Variants in ESRRG observed in about 807,000 individuals in gnomAD.
ESRRG encodes the protein estrogen related receptor gamma.
In ESRRG, 13 loss-of-function variants were observed where a neutral mutation model predicts 44.0. The ratio of observed to expected loss-of-function variants is 0.30; its 90% CI spans 0.19 to 0.47. ESRRG has a LOEUF of 0.47. Among genes scored for constraint, ESRRG ranks in the 20% least tolerant of loss-of-function variants. The pLI is 1.00. For missense variants in ESRRG, 395 were observed against 580.6 expected, an observed-to-expected ratio of 0.68 and a Z score of 3.29; for synonymous variants, 215 against 214.6, an observed-to-expected ratio of 1.00 and a Z score of -0.02.
At chr1:216,926,413 A>G (rs753560269) in intron 2 of ESRRG, among the ~76,000 whole-genome samples, 14 of 49,006 alleles carry the variant, frequency 2.9e-4, no homozygotes, top group African/African-American at 6.3e-4. Flanking sequence ...AACACCTATG[A>G]AAAAAAAAAA....
intron 3 of ESRRG, among the ~76,000 whole-genome samples, chr1:216,604,383 TC>T (rs1395513906): frequency 1.3e-5 from 2 of 152,260 alleles, no homozygotes; most frequent in Admixed American, 1.3e-4. Flanking sequence ...TGGGGCTTCA[TC>T]TGAGAGTGTC....
chr1:216,618,084 A>G (rs1180418212), intron 3 of ESRRG, among the ~76,000 whole-genome samples: 1 of 152,256 alleles, frequency 6.6e-6, no homozygotes, highest in Admixed American at 6.5e-5. Context: ...ATCAGTAATA[A>G]TAGTCATTAA....
rs181648444 is a variant in ESRRG at position 216,695,287 on chromosome 1, A to G, written c.57-17796T>C. On this transcript the variant is annotated intron_variant, in intron 1 of 6. Transcript: ENST00000408911. ...CTGTGGAAGTGGTTACAAAAATCTC[A>G]TATGTGATAAAATTATGTAGAACTA... Among the ~76,000 whole-genome samples the G allele has an allele frequency of 4.3e-3, 648 of 152,212 alleles. 2 individuals are homozygous for G. The highest frequency in any genetic ancestry group is 0.015 in the African/African-American group (628 of 41,536).
intron 2 of ESRRG, among the ~76,000 whole-genome samples, chr1:216,728,618 T>A (rs1273598435): frequency 6.6e-6 from 1 of 152,046 alleles, no homozygotes; most frequent in Non-Finnish European, 1.5e-5. Context: ...TTACCTATCC[T>A]AACCACCCCA....
At chr1:216,869,681 T>G (rs12062373) in intron 2 of ESRRG, among the ~76,000 whole-genome samples, 7,255 of 152,104 alleles carry the variant, frequency 0.048, 604 homozygotes, top group African/African-American at 0.16. Context: ...TTCATGAACA[T>G]AGTGTATGTC....
intron 1 of ESRRG, among the ~76,000 whole-genome samples, chr1:216,964,239 G>A (rs1284549748): frequency 7.2e-5 from 11 of 152,164 alleles, no homozygotes; most frequent in African/African-American, 1.9e-4. Context: ...CAAAGTAAAC[G>A]TAGGTGAAGA....
intron 1 of ESRRG, among the ~76,000 whole-genome samples, chr1:217,048,846 AC>A (rs1236630246): frequency 6.6e-6 from 1 of 152,026 alleles, no homozygotes; most frequent in Non-Finnish European, 1.5e-5. Flanking sequence ...CCCTGGCCCC[AC>A]TCTATCTGCT....
At chr1:216,993,345 T>C (rs1273473647) in intron 1 of ESRRG, among the ~76,000 whole-genome samples, 1 of 152,176 alleles carries the variant, frequency 6.6e-6, no homozygotes, top group Non-Finnish European at 1.5e-5. Flanking sequence ...ATGGCACAAC[T>C]GAAATCTCCA....
intron 3 of ESRRG, among the ~76,000 whole-genome samples, chr1:216,590,642 G>C (rs1020645062): frequency 6.6e-6 from 1 of 152,124 alleles, no homozygotes; most frequent in East Asian, 1.9e-4. Flanking sequence ...GAAAATGAAG[G>C]CAGAAGGCAA....
At chr1:216,535,450 T>C (rs2050653101) in intron 5 of ESRRG, among the ~76,000 whole-genome samples, 1 of 152,132 alleles carries the variant, frequency 6.6e-6, no homozygotes, top group Non-Finnish European at 1.5e-5. Context: ...TATTTTATCC[T>C]GCAAACATGA....
chr1:216,728,532 AGC>A (rs1391816222), intron 2 of ESRRG, among the ~76,000 whole-genome samples: 2 of 152,072 alleles, frequency 1.3e-5, no homozygotes, highest in Non-Finnish European at 2.9e-5. Flanking sequence ...GAGATAGAGA[AGC>A]AGGGGGAAGT....
chr1:216,829,029 C>T (rs1294566359), intron 2 of ESRRG, among the ~76,000 whole-genome samples: 1 of 152,268 alleles, frequency 6.6e-6, no homozygotes, highest in East Asian at 1.9e-4. Context: ...GATACAAGGA[C>T]ATATGTATGT....
At chr1:216,774,907 T>TCCTC (rs2093542010) in intron 2 of ESRRG, among the ~76,000 whole-genome samples, 2 of 147,576 alleles carry the variant, frequency 1.4e-5, no homozygotes, top group Admixed American at 1.4e-4. Flanking sequence ...GCTTAAGCAA[T>TCCTC]CCTCCCACCT....
intron 2 of ESRRG, among the ~76,000 whole-genome samples, chr1:216,792,664 G>A (rs2094355589): frequency 6.6e-6 from 1 of 152,128 alleles, no homozygotes; most frequent in Admixed American, 6.5e-5. Context: ...ATTAAGAAGA[G>A]AACTATGCAG....
intron 2 of ESRRG, among the ~76,000 whole-genome samples, chr1:216,844,509 A>G (rs1303992188): frequency 6.6e-6 from 1 of 152,012 alleles, no homozygotes; most frequent in African/African-American, 2.4e-5. Context: ...ATTGCTCTCC[A>G]ACCTGTGCAC....
chr1:217,110,036 G>A (rs931895106), intron 1 of ESRRG, among the ~76,000 whole-genome samples: 1 of 152,098 alleles, frequency 6.6e-6, no homozygotes, highest in Non-Finnish European at 1.5e-5. Flanking sequence ...TTACTAAGGA[G>A]AATGCTTTCC....
intron 2 of ESRRG, among the ~76,000 whole-genome samples, chr1:216,869,982 G>T (rs948468376): frequency 6.6e-6 from 1 of 151,868 alleles, no homozygotes; most frequent in South Asian, 2.1e-4. Context: ...AAATCAAGTC[G>T]CCTGTGTTTT....
intron 2 of ESRRG, among the ~76,000 whole-genome samples, chr1:216,846,430 G>C (rs1401524089): frequency 6.6e-6 from 1 of 152,058 alleles, no homozygotes; most frequent in Non-Finnish European, 1.5e-5. Flanking sequence ...AGTATTTTAG[G>C]CTTTATGAGC....
chr1:216,985,702 C>A (rs1207762288), intron 1 of ESRRG: 4 of 152,098 alleles, frequency 2.6e-5, no homozygotes, highest in African/African-American at 4.8e-5. Context: ...TGGTGGGGGA[C>A]AGTCAGGACT....
Sources: gnomAD v4.1 joint callset for allele counts (sites outside exome capture counted in the v4.1 genomes callset) on GRCh38, gnomAD v4.1.1 for gene constraint, MANE v1.5 for transcripts, NCBI Gene and HGNC (gene_info 2026-07-23, HGNC 2026-07-21) for gene names.